Variants in GARRE1 observed in about 807,000 individuals in gnomAD.
The protein encoded by GARRE1 is granule associated Rac and RHOG effector 1.
A neutral mutation model predicts 103.2 loss-of-function variants in GARRE1; 49 were observed. That is an observed-to-expected ratio of 0.47 (90% CI 0.38 to 0.60). The LOEUF is 0.60. Among genes scored for constraint, GARRE1 ranks in the 20% least tolerant of loss-of-function variants. The probability of loss-of-function intolerance (pLI) is 0.00; values close to 1 mark genes in which losing one functional copy is unlikely to be tolerated. For missense variants in GARRE1, 1,199 were observed against 1,370.5 expected (o/e 0.87, Z 1.98); for synonymous variants, 505 against 532.8 (o/e 0.95, Z 0.72).
intron 1 of GARRE1, among the ~76,000 whole-genome samples, chr19:34,293,955 T>C (rs2073933112): frequency 6.6e-6 from 1 of 151,450 alleles, no homozygotes; most frequent in Admixed American, 6.6e-5. Flanking sequence ...AAATGGGGTT[T>C]CCTTCTGTTG....
intron 1 of GARRE1, among the ~76,000 whole-genome samples, chr19:34,263,670 G>T (rs965049924): frequency 1.3e-4 from 20 of 151,984 alleles, no homozygotes; most frequent in African/African-American, 4.8e-4. Flanking sequence ...TAGAGACAGG[G>T]TTTCACCATG....
chr19:34,321,493 C>T (rs528213859), intron 3 of GARRE1, among the ~76,000 whole-genome samples: 2 of 151,382 alleles, frequency 1.3e-5, no homozygotes, highest in Non-Finnish European at 2.9e-5. Context: ...CTCACTCTGT[C>T]GCCCAGGCTG....
chr19:34,298,237 G>A (rs991183855), intron 1 of GARRE1, among the ~76,000 whole-genome samples: 1 of 151,972 alleles, frequency 6.6e-6, no homozygotes, highest in Non-Finnish European at 1.5e-5. Context: ...GCAACATGGC[G>A]AAACCTCGTC....
intron 1 of GARRE1, among the ~76,000 whole-genome samples, chr19:34,276,159 T>C (rs1024097493): frequency 1.3e-5 from 2 of 152,160 alleles, no homozygotes; most frequent in Non-Finnish European, 2.9e-5. Context: ...TTCTCCTGCC[T>C]CAGCTTCCTG....
rs760808378 is a variant in GARRE1, at chr19:34,341,580, G to A, written c.1646G>A (p.Cys549Tyr). 1.2e-6 allele frequency: 2 copies of A among 1,614,160 alleles called. No homozygotes were observed. Among genetic ancestry groups the A allele is most frequent in the East Asian group, 2.2e-5 (1 of 44,878 alleles). ...LTSRFTKKAS[C>Y]TSSSSSTNYS... ...TCCCGGTTCACCAAGAAAGCTTCAT[G>A]TACCAGCTCCAGCAGCAGCACAAAT... Residue 549 changes from cysteine (C) to tyrosine (Y), a missense_variant, in exon 10 of 14, where the codon TGT becomes TAT. Cys to Tyr is a radical substitution (Grantham distance 194). Transcript: ENST00000299505.
intron 2 of GARRE1, among the ~76,000 whole-genome samples, chr19:34,301,982 CTTTTTTTT>C (rs35417822): frequency 0.029 from 1,458 of 50,010 alleles, 37 homozygotes; most frequent in African/African-American, 0.091. Context: ...TGCGCCCAGC[CTTTTTTTT>C]TTTTTTTTTT....
Position 34,327,994 on chromosome 19 carries a change from G to T in GARRE1, c.947G>T (p.Cys316Phe). Reference sequence around the variant, plus strand: ...TTCCATCCATGCCTTTTCCAGGGCTGCTGCAGCGAGGCGGAAGCCCAGCAG... The same window carrying T: ...TTCCATCCATGCCTTTTCCAGGGCTTCTGCAGCGAGGCGGAAGCCCAGCAG... ...PKAIEASLQG[C>F]CSEAEAQQTG... The change falls in exon 6 of 14, where the codon TGC (cysteine) becomes TTC (phenylalanine). Residue 316 changes from cysteine to phenylalanine, a missense_variant. By Grantham distance (205) the Cys-to-Phe change is radical. Transcript: ENST00000299505. 1 of 1,614,038 alleles carries T rather than the reference G, an allele frequency of 6.2e-7. No homozygotes were observed. Among genetic ancestry groups the T allele is most frequent in the East Asian group, 2.2e-5 (1 of 44,894 alleles).
At chr19:34,260,473 G>C (rs533797479) in intron 1 of GARRE1, among the ~76,000 whole-genome samples, 11 of 152,060 alleles carry the variant, frequency 7.2e-5, no homozygotes, top group African/African-American at 2.7e-4. Flanking sequence ...GATAATTTTG[G>C]CTATATACTT....
rs1599767344 is a variant in GARRE1, at chr19:34,310,411, T to A, written c.495+9443T>A. On this transcript the variant is annotated intron_variant, in intron 2 of 13. Transcript: ENST00000299505. ...ACTGCCTCGGGCCAGTGCAGTCTAG[T>A]GCAGAGGGGCTTGTTGGCAGAGGCC... Among the ~76,000 whole-genome samples the A allele has an allele frequency of 2.6e-5, 4 of 152,382 alleles. No homozygotes were observed. The South Asian group carries it at 8.3e-4, about 32-fold the overall frequency.
At chr19:34,344,699 G>C (rs1045511599) in intron 10 of GARRE1, among the ~76,000 whole-genome samples, 1 of 151,884 alleles carries the variant, frequency 6.6e-6, no homozygotes, top group Non-Finnish European at 1.5e-5. Flanking sequence ...TTGAGACAGA[G>C]TCTCACGTTG....
At chr19:34,257,924 C>G (rs1054816346) in intron 1 of GARRE1, among the ~76,000 whole-genome samples, 1 of 142,228 alleles carries the variant, frequency 7.0e-6, no homozygotes, top group Admixed American at 7.3e-5. Context: ...GAGTCTTGCT[C>G]TGTTGCCCAG....
intron 2 of GARRE1, among the ~76,000 whole-genome samples, chr19:34,301,513 CAAAAAAAAAAA>C (rs57777660): frequency 2.3e-5 from 2 of 85,402 alleles, no homozygotes; most frequent in African/African-American, 4.8e-5. Context: ...GACCATGTCT[CAAAAAAAAAAA>C]AAAAAAAAAA....
In GARRE1 at chr19:34,349,068, A is replaced by C. The variant is rs1404622132; in HGVS notation, c.2740A>C (p.Ser914Arg). The part of the protein sequence containing the change: ...SGAQGDSASS[S>R]DETSSANGDS... ...TGCTCAGGGAGACTCTGCCAGCTCG[A>C]GTGATGAGACATCCTCAGCCAACGG... is the stretch of plus-strand genomic sequence containing the variant. Residue 914 changes from serine (S) to arginine (R), a missense_variant, in exon 12 of 14, where the codon AGT (serine) becomes CGT (arginine). Ser to Arg is a moderately radical substitution (Grantham distance 110). Coordinates refer to ENST00000299505, the MANE Select transcript of GARRE1 (RefSeq NM_014686.5). 1.9e-6 allele frequency: 3 copies of C among 1,612,784 alleles called. No homozygotes were observed. Among genetic ancestry groups the C allele is most frequent in the South Asian group, 2.2e-5 (2 of 91,078 alleles).
intron 1 of GARRE1, among the ~76,000 whole-genome samples, chr19:34,264,657 C>G (rs963625404): frequency 2.0e-5 from 3 of 152,176 alleles, no homozygotes; most frequent in African/African-American, 7.2e-5. Flanking sequence ...CTCGGCCTCC[C>G]AAAGTGCTGG....
chr19:34,319,030 ATAAG>A (rs1231376720), intron 2 of GARRE1, among the ~76,000 whole-genome samples: 1 of 152,174 alleles, frequency 6.6e-6, no homozygotes, highest in Non-Finnish European at 1.5e-5. Context: ...AAAAAGATAA[ATAAG>A]AAATGATAGA....
chr19:34,311,985 T>A lies in GARRE1; in HGVS notation c.496-7922T>A, dbSNP rs894809182. 7.9e-5 allele frequency among the ~76,000 whole-genome samples: 12 copies of A among 152,176 alleles called. No homozygotes were observed. The East Asian group carries it at 9.6e-4, about 12-fold the overall frequency. On this transcript the variant is annotated intron_variant, in intron 2 of 13. Coordinates refer to ENST00000299505, the MANE Select transcript of GARRE1 (RefSeq NM_014686.5). ...TTAATTAAAAATTATTATTATTATT[T>A]TTATTTTTACTGTAGAGATGGAGTC...
chr19:34,305,437 C>G (rs2074003304), intron 2 of GARRE1, among the ~76,000 whole-genome samples: 1 of 152,210 alleles, frequency 6.6e-6, no homozygotes, highest in South Asian at 2.1e-4. Flanking sequence ...GCTGTCACCC[C>G]ATGATGACAT....
rs199991533 is a variant in GARRE1 at position 34,327,848 on chromosome 19, G to A, written c.924G>A (p.Ala308=). The stretch of plus-strand genomic sequence containing the variant: ...CCGGCTTCCACCTGAATCCAAAGGC[G>A]ATTGAAGCAAGTTTGCAGGTACACT... ...MKAGFHLNPK[A]IEASLQGCCS... is the part of the protein sequence containing the mutation. Residue 308 remains alanine (A), a synonymous_variant, in exon 5 of 14, where the codon GCG becomes GCA. Coordinates refer to ENST00000299505, the MANE Select transcript of GARRE1 (RefSeq NM_014686.5). 1.9e-5 allele frequency: 30 copies of A among 1,614,212 alleles called. No individual in the cohort carries two copies. The South Asian group carries it at 1.9e-4, about 10-fold the overall frequency.
chr19:34,262,277 C>G (rs1305790262), intron 1 of GARRE1, among the ~76,000 whole-genome samples: 2 of 89,212 alleles, frequency 2.2e-5, no homozygotes, highest in Non-Finnish European at 3.0e-5. Context: ...GCCACCATGC[C>G]CAGCTGCTGC....
Sources: gnomAD v4.1 joint callset for allele counts (sites outside exome capture counted in the v4.1 genomes callset) on GRCh38, gnomAD v4.1.1 for gene constraint, MANE v1.5 for transcripts, NCBI Gene and HGNC (gene_info 2026-07-23, HGNC 2026-07-21) for gene names.